Variants in CNTN3 observed in about 807,000 individuals in gnomAD.
CNTN3 encodes contactin-3.
A neutral mutation model predicts 119.1 loss-of-function variants in CNTN3; 60 were observed. That is an observed-to-expected ratio of 0.50 (90% CI 0.41 to 0.62). The LOEUF (loss-of-function observed/expected upper bound fraction) is 0.62, where lower values mean the gene tolerates loss of function less well. Ranked by LOEUF, CNTN3 falls within the 20% of genes least tolerant of loss-of-function variation. CNTN3 has a pLI of 0.00. For missense variants in CNTN3, 1,101 were observed against 1,242.4 expected, an observed-to-expected ratio of 0.89 and a Z score of 1.71; for synonymous variants, 450 against 438.7, an observed-to-expected ratio of 1.03 and a Z score of -0.32.
intron 8 of CNTN3, among the ~76,000 whole-genome samples, chr3:74,366,283 C>T (rs1199288138): frequency 2.6e-5 from 4 of 152,050 alleles, no homozygotes; most frequent in Non-Finnish European, 5.9e-5. Context: ...GTTGGTTCAA[C>T]TTGAATCATG....
At chr3:74,316,695 G>A (rs1032023657) in intron 13 of CNTN3, among the ~76,000 whole-genome samples, 2 of 152,058 alleles carry the variant, frequency 1.3e-5, no homozygotes, top group African/African-American at 4.8e-5. Flanking sequence ...GGAGGCCGAG[G>A]TGGGCAGATC....
At chr3:74,449,807 T>C (rs1261689033) in intron 4 of CNTN3, among the ~76,000 whole-genome samples, 2 of 151,958 alleles carry the variant, frequency 1.3e-5, no homozygotes, top group African/African-American at 4.8e-5. Context: ...TACTTTGTTA[T>C]ACAGTAATTC....
At chr3:74,367,028 G>A (rs1013131066) in intron 8 of CNTN3, among the ~76,000 whole-genome samples, 2 of 148,640 alleles carry the variant, frequency 1.3e-5, no homozygotes, top group Non-Finnish European at 3.0e-5. Context: ...AGGATAATTC[G>A]CTGGACTAAA....
chr3:74,577,111 T>A (rs1297246281), intron 1 of CNTN3, among the ~76,000 whole-genome samples: 1 of 152,152 alleles, frequency 6.6e-6, no homozygotes, highest in Non-Finnish European at 1.5e-5. Context: ...AAGATACAGT[T>A]ACTACACCCA....
intron 13 of CNTN3, among the ~76,000 whole-genome samples, chr3:74,321,556 G>A (rs770145544): frequency 2.4e-4 from 36 of 151,902 alleles, no homozygotes; most frequent in Non-Finnish European, 5.0e-4. Flanking sequence ...AAAATCAACA[G>A]TGAAAATGAA....
intron 3 of CNTN3, among the ~76,000 whole-genome samples, chr3:74,493,961 A>C (rs1160095038): frequency 1.3e-5 from 2 of 152,184 alleles, no homozygotes; most frequent in East Asian, 3.9e-4. Flanking sequence ...AACATAAAAC[A>C]GATTAGAGAG....
At chr3:74,338,290 A>G (rs1020403782) in intron 11 of CNTN3, among the ~76,000 whole-genome samples, 2 of 151,978 alleles carry the variant, frequency 1.3e-5, no homozygotes, top group Non-Finnish European at 2.9e-5. Context: ...AAAAATGTTT[A>G]TTGCAAAATT....
intron 13 of CNTN3, among the ~76,000 whole-genome samples, chr3:74,321,900 T>C (rs1703002781): frequency 6.6e-6 from 1 of 152,146 alleles, no homozygotes; most frequent in Non-Finnish European, 1.5e-5. Flanking sequence ...CAATGATTAA[T>C]AATTTTCCCA....
chr3:74,312,145 T>C (rs1702699511), intron 13 of CNTN3, among the ~76,000 whole-genome samples: 1 of 151,952 alleles, frequency 6.6e-6, no homozygotes, highest in South Asian at 2.1e-4. Flanking sequence ...CATTAGAACA[T>C]TCTGTTCTTA....
intron 4 of CNTN3, among the ~76,000 whole-genome samples, chr3:74,458,703 A>T (rs531963154): frequency 6.6e-6 from 1 of 152,202 alleles, no homozygotes; most frequent in Admixed American, 6.6e-5. Context: ...GAGAGGTTTC[A>T]CTACAAAGGA....
At chr3:74,412,068 T>C (rs764087863) in intron 5 of CNTN3, among the ~76,000 whole-genome samples, 16 of 152,186 alleles carry the variant, frequency 1.1e-4, no homozygotes, top group South Asian at 2.1e-4. Flanking sequence ...TTAGGTATAG[T>C]TCTGCTTAGT....
chr3:74,295,828 C>T (rs1237770633), intron 18 of CNTN3, among the ~76,000 whole-genome samples: 2 of 152,082 alleles, frequency 1.3e-5, no homozygotes, highest in East Asian at 3.9e-4. Context: ...CAGTGGTTCT[C>T]CCTTCTCAGG....
At chr3:74,418,774 T>G (rs1388395626) in intron 5 of CNTN3, among the ~76,000 whole-genome samples, 2 of 151,688 alleles carry the variant, frequency 1.3e-5, no homozygotes, top group Non-Finnish European at 2.9e-5. Context: ...TTAAAGTTTA[T>G]TTTATTTTAA....
chr3:74,483,789 AG>A (rs1702804304), intron 4 of CNTN3, among the ~76,000 whole-genome samples: 2 of 152,198 alleles, frequency 1.3e-5, no homozygotes, highest in African/African-American at 4.8e-5. Flanking sequence ...TCCATGAAAC[AG>A]TAAGACTAGC....
At chr3:74,330,773 G>T (rs1219069012) in intron 13 of CNTN3, among the ~76,000 whole-genome samples, 1 of 151,874 alleles carries the variant, frequency 6.6e-6, no homozygotes, top group Admixed American at 6.6e-5. Flanking sequence ...TGATATTGAC[G>T]ATCCTGACCC....
chr3:74,270,759 GA>G (rs1701758070), intron 20 of CNTN3, among the ~76,000 whole-genome samples: 1 of 152,082 alleles, frequency 6.6e-6, no homozygotes, highest in Non-Finnish European at 1.5e-5. Flanking sequence ...AAATTTACTG[GA>G]CCTAAACTGG....
chr3:74,387,518 G>T (rs560357159), intron 5 of CNTN3, among the ~76,000 whole-genome samples: 1 of 152,344 alleles, frequency 6.6e-6, no homozygotes, highest in South Asian at 2.1e-4. Context: ...TAATCGGACA[G>T]AGCTAAGTTT....
chr3:74,293,006 GT>G (rs1702264269), intron 19 of CNTN3, among the ~76,000 whole-genome samples: 1 of 138,948 alleles, frequency 7.2e-6, no homozygotes, highest in African/African-American at 2.7e-5. Flanking sequence ...TTTATGTGGT[GT>G]TTTACTTCTT....
chr3:74,414,618 G>GC (rs1396042912), intron 5 of CNTN3, among the ~76,000 whole-genome samples: 2 of 152,064 alleles, frequency 1.3e-5, no homozygotes, highest in African/African-American at 4.8e-5. Flanking sequence ...TTTTAAACAA[G>GC]CCCCCTAAAT....
Sources: gnomAD v4.1 joint callset for allele counts (sites outside exome capture counted in the v4.1 genomes callset) on GRCh38, gnomAD v4.1.1 for gene constraint, MANE v1.5 for transcripts, NCBI Gene and HGNC (gene_info 2026-07-23, HGNC 2026-07-21) for gene names.